AK5: variants seen among roughly 807,000 people sequenced by gnomAD.
AK5 encodes adenylate kinase 5, also known as adenylate kinase isoenzyme 5.
In AK5, 27 loss-of-function variants were observed where a neutral mutation model predicts 69.5. The ratio of observed to expected loss-of-function variants is 0.39; its 90% CI spans 0.29 to 0.54. The LOEUF (loss-of-function observed/expected upper bound fraction) is 0.54. Ranked by LOEUF, AK5 falls within the 20% of genes least tolerant of loss-of-function variation. The pLI is 0.71. For missense variants in AK5, 531 were observed against 700.4 expected, an observed-to-expected ratio of 0.76 and a Z score of 2.73; for synonymous variants, 260 against 244.4, an observed-to-expected ratio of 1.06 and a Z score of -0.60.
chr1:77,324,501 C>T (rs1660695911), intron 5 of AK5, among the ~76,000 whole-genome samples: 1 of 152,110 alleles, frequency 6.6e-6, no homozygotes, highest in African/African-American at 2.4e-5. Context: ...ACCCAGTATG[C>T]TGAGAAGGAT....
intron 6 of AK5, among the ~76,000 whole-genome samples, chr1:77,353,914 C>T (rs1007917611): frequency 2.0e-5 from 3 of 152,104 alleles, no homozygotes; most frequent in African/African-American, 7.2e-5. Context: ...TTGCATCTGA[C>T]CATTGTAATG....
chr1:77,545,330 T>C (rs1659486302), intron 13 of AK5, among the ~76,000 whole-genome samples: 1 of 151,988 alleles, frequency 6.6e-6, no homozygotes, highest in Non-Finnish European at 1.5e-5. Context: ...CACACAACCA[T>C]GGTGGGGGAG....
intron 6 of AK5, among the ~76,000 whole-genome samples, chr1:77,401,538 G>A (rs1570506436): frequency 1.3e-5 from 2 of 152,136 alleles, no homozygotes; most frequent in African/African-American, 4.8e-5. Context: ...GAAAAAAATG[G>A]GAGACAGACC....
intron 13 of AK5, among the ~76,000 whole-genome samples, chr1:77,558,240 A>C (rs1341460605): frequency 6.6e-6 from 1 of 152,208 alleles, no homozygotes; most frequent in Non-Finnish European, 1.5e-5. Flanking sequence ...ATTGCTAAAA[A>C]GTATGGTAAG....
intron 12 of AK5, among the ~76,000 whole-genome samples, chr1:77,522,281 G>C (rs1372854095): frequency 6.6e-5 from 10 of 152,072 alleles, no homozygotes; most frequent in Non-Finnish European, 1.5e-4. Flanking sequence ...TCATAGAAAA[G>C]TGTTTCTGTT....
At chr1:77,314,736 CTTAT>C (rs890596610) in intron 5 of AK5, 1 of 152,072 alleles carries the variant, frequency 6.6e-6, no homozygotes, top group Non-Finnish European at 1.5e-5. Flanking sequence ...AACACTAGAA[CTTAT>C]TTATTCAATC....
chr1:77,282,580 T>G, intron 1 of AK5: 1 of 1,345,756 alleles, frequency 7.4e-7, no homozygotes, highest in South Asian at 2.0e-5. Flanking sequence ...CTTAGAAGCC[T>G]GCATCTCACA....
At position 77,315,053 on chromosome 1, in the gene AK5, A is replaced by G. The variant is rs920570071; in HGVS notation, c.699+17106A>G. 3 of 152,180 alleles carry G rather than the reference A, an allele frequency of 2.0e-5. No individual in the cohort carries two copies. The East Asian group carries it at 5.8e-4, about 29-fold the overall frequency. 9.4% of individuals were successfully genotyped at this position (152,180 alleles called of 1,614,324 possible). On this transcript the variant is annotated intron_variant, in intron 5 of 13. Coordinates refer to ENST00000354567, the MANE Select transcript of AK5 (RefSeq NM_174858.3). Reference sequence around the variant, plus strand: ...ATCATGCATAATAGAGTATAAATACATACAATGATTAGCATATGGTCTCTC... The same window carrying G: ...ATCATGCATAATAGAGTATAAATACGTACAATGATTAGCATATGGTCTCTC...
intron 8 of AK5, 135 bp from the exon 9 acceptor site, chr1:77,483,182 T>C (rs1655377511): frequency 3.0e-6 from 2 of 672,986 alleles, no homozygotes; most frequent in Middle Eastern, 2.6e-4. Context: ...GTCTGTAAAA[T>C]ATTGTCCCTC....
intron 5 of AK5, among the ~76,000 whole-genome samples, chr1:77,320,310 C>T (rs1163190397): frequency 6.6e-6 from 1 of 152,098 alleles, no homozygotes; most frequent in Non-Finnish European, 1.5e-5. Context: ...GGTGGGGACT[C>T]AGCCAAACCG....
At chr1:77,511,450 GA>G (rs1237353149) in intron 10 of AK5, among the ~76,000 whole-genome samples, 1 of 152,190 alleles carries the variant, frequency 6.6e-6, no homozygotes, top group African/African-American at 2.4e-5. Context: ...TCAATGTTTT[GA>G]AAATGCTGAG....
At chr1:77,390,419 C>T (rs1281820459) in intron 6 of AK5, among the ~76,000 whole-genome samples, 1 of 152,122 alleles carries the variant, frequency 6.6e-6, no homozygotes, top group African/African-American at 2.4e-5. Flanking sequence ...GTTGGATGGC[C>T]TCATTACTCA....
At chr1:77,455,136 G>C (rs1249525005) in intron 8 of AK5, among the ~76,000 whole-genome samples, 3 of 152,190 alleles carry the variant, frequency 2.0e-5, no homozygotes, top group Non-Finnish European at 2.9e-5. Context: ...GAGACTCTGA[G>C]TGTGAAATTA....
At chr1:77,493,647 C>T (rs1481952935) in intron 10 of AK5, among the ~76,000 whole-genome samples, 5 of 151,054 alleles carry the variant, frequency 3.3e-5, no homozygotes, top group Non-Finnish European at 7.4e-5. Flanking sequence ...CAAACACAGA[C>T]ACCAGATCTC....
chr1:77,398,308 C>CT (rs1648965927), intron 6 of AK5, among the ~76,000 whole-genome samples: 1 of 152,100 alleles, frequency 6.6e-6, no homozygotes, highest in South Asian at 2.1e-4. Context: ...CAGGGTACCA[C>CT]TTAGAGCTCT....
chr1:77,516,343 A>C (rs752130141), intron 10 of AK5, among the ~76,000 whole-genome samples: 1 of 152,154 alleles, frequency 6.6e-6, no homozygotes, highest in Non-Finnish European at 1.5e-5. Context: ...TGGAGACCTC[A>C]TGTACAGCAT....
chr1:77,385,690 A>G (rs1423610631), intron 6 of AK5, among the ~76,000 whole-genome samples: 1 of 152,234 alleles, frequency 6.6e-6, no homozygotes, highest in African/African-American at 2.4e-5. Flanking sequence ...TGGAGGTAAC[A>G]CAGGAAATGC....
intron 3 of AK5, 63 bp from the exon 4 acceptor site, chr1:77,297,496 T>G: frequency 6.9e-7 from 1 of 1,439,968 alleles, no homozygotes; most frequent in Non-Finnish European, 9.4e-7. Context: ...GAAGTAGTAG[T>G]TGTATAAAAG....
chr1:77,333,590 T>G (rs978209296), intron 5 of AK5, among the ~76,000 whole-genome samples: 1 of 150,648 alleles, frequency 6.6e-6, no homozygotes, highest in Non-Finnish European at 1.5e-5. Context: ...ACAACTTTTT[T>G]TGTGATTATT....
Sources: allele counts gnomAD v4.1 joint callset (sites outside exome capture counted in the v4.1 genomes callset), GRCh38; gene constraint gnomAD v4.1.1; transcripts MANE v1.5; gene names NCBI Gene and HGNC (gene_info 2026-07-23, HGNC 2026-07-21).